Variants in LHFPL3 observed in about 807,000 individuals in gnomAD.
LHFPL3 encodes the protein LHFPL tetraspan subfamily member 3 protein.
In LHFPL3, 5 loss-of-function variants were observed where a neutral mutation model predicts 19.3. The ratio of observed to expected loss-of-function variants is 0.26; its 90% CI spans 0.14 to 0.54. The LOEUF (loss-of-function observed/expected upper bound fraction) is 0.54. Ranked by LOEUF, LHFPL3 falls within the 20% of genes least tolerant of loss-of-function variation. The pLI is 0.94. For missense variants in LHFPL3, 249 were observed against 307.4 expected, an observed-to-expected ratio of 0.81 and a Z score of 1.42; for synonymous variants, 133 against 126.2, an observed-to-expected ratio of 1.05 and a Z score of -0.36.
At chr7:104,728,260 C>T (rs926770731) in intron 1 of LHFPL3, among the ~76,000 whole-genome samples, 4 of 152,126 alleles carry the variant, frequency 2.6e-5, no homozygotes, top group Admixed American at 2.6e-4. Context: ...GGTGCCCATT[C>T]CTGTGTTGTT....
chr7:104,675,961 G>A (rs868114388), intron 1 of LHFPL3, among the ~76,000 whole-genome samples: 1 of 152,206 alleles, frequency 6.6e-6, no homozygotes, highest in Non-Finnish European at 1.5e-5. Context: ...CCTCAGCATA[G>A]GGATGTTTTT....
intron 2 of LHFPL3, among the ~76,000 whole-genome samples, chr7:104,862,604 TG>T: frequency 7.1e-6 from 1 of 141,568 alleles, no homozygotes; most frequent in East Asian, 2.1e-4. Flanking sequence ...AGGGTAGATC[TG>T]GGCCAACCTG....
intron 2 of LHFPL3, among the ~76,000 whole-genome samples, chr7:104,887,426 G>T (rs1454653268): frequency 6.6e-6 from 1 of 152,208 alleles, no homozygotes; most frequent in Non-Finnish European, 1.5e-5. Context: ...GTCATTACTT[G>T]GGTAACTGGA....
chr7:104,552,341 T>C (rs190162763), intron 1 of LHFPL3, among the ~76,000 whole-genome samples: 1 of 152,312 alleles, frequency 6.6e-6, no homozygotes, highest in Non-Finnish European at 1.5e-5. Flanking sequence ...GTAGCCTTTC[T>C]AATAAGGGAG....
intron 1 of LHFPL3, among the ~76,000 whole-genome samples, chr7:104,437,462 C>A (rs1792133776): frequency 6.6e-6 from 1 of 152,130 alleles, no homozygotes; most frequent in Admixed American, 6.5e-5. Flanking sequence ...TGACACTAAG[C>A]AGAGTTAGCC....
At chr7:104,805,287 G>A (rs1398000166) in intron 2 of LHFPL3, among the ~76,000 whole-genome samples, 1 of 152,168 alleles carries the variant, frequency 6.6e-6, no homozygotes, top group Non-Finnish European at 1.5e-5. Flanking sequence ...AACTACTTAG[G>A]GGAGTACTAG....
chr7:104,481,058 GTCA>G (rs1793126591), intron 1 of LHFPL3, among the ~76,000 whole-genome samples: 1 of 152,144 alleles, frequency 6.6e-6, no homozygotes, highest in Non-Finnish European at 1.5e-5. Context: ...GGGTGACACA[GTCA>G]TCATCTATTA....
intron 2 of LHFPL3, among the ~76,000 whole-genome samples, chr7:104,884,139 C>T (rs961971572): frequency 3.9e-5 from 6 of 152,246 alleles, no homozygotes; most frequent in Non-Finnish European, 8.8e-5. Flanking sequence ...GTGCCTGATG[C>T]GTGATAAGTG....
At chr7:104,628,909 G>C (rs1323727570) in intron 1 of LHFPL3, among the ~76,000 whole-genome samples, 1 of 152,078 alleles carries the variant, frequency 6.6e-6, no homozygotes, top group Non-Finnish European at 1.5e-5. Flanking sequence ...TATGAAACAG[G>C]CTTCTCAAAC....
intron 1 of LHFPL3, among the ~76,000 whole-genome samples, chr7:104,678,453 A>T (rs955602621): frequency 6.6e-6 from 1 of 152,098 alleles, no homozygotes; most frequent in Non-Finnish European, 1.5e-5. Flanking sequence ...GAGGGAAAAA[A>T]TCCTCCTCTT....
chr7:104,454,289 C>T (rs1442798350), intron 1 of LHFPL3, among the ~76,000 whole-genome samples: 1 of 152,146 alleles, frequency 6.6e-6, no homozygotes, highest in East Asian at 1.9e-4. Flanking sequence ...ATTAGTCAGA[C>T]CATAGGTAGA....
At chr7:104,558,506 G>A (rs1163491623) in intron 1 of LHFPL3, among the ~76,000 whole-genome samples, 15 of 152,134 alleles carry the variant, frequency 9.9e-5, no homozygotes, top group South Asian at 4.2e-4. Context: ...CATGTCATTC[G>A]CCCACTTTTT....
intron 1 of LHFPL3, among the ~76,000 whole-genome samples, chr7:104,390,993 G>A (rs1029368404): frequency 5.9e-5 from 9 of 152,098 alleles, no homozygotes; most frequent in Admixed American, 6.6e-5. Flanking sequence ...TTTTGAAAAG[G>A]ATCTGTTCAT....
At chr7:104,659,425 G>T (rs1293762473) in intron 1 of LHFPL3, among the ~76,000 whole-genome samples, 1 of 152,200 alleles carries the variant, frequency 6.6e-6, no homozygotes, top group Non-Finnish European at 1.5e-5. Context: ...CGGTCATTCA[G>T]TGCTCTTTCA....
At chr7:104,794,484 G>T (rs1466751407) in intron 2 of LHFPL3, among the ~76,000 whole-genome samples, 1 of 152,178 alleles carries the variant, frequency 6.6e-6, no homozygotes, top group Admixed American at 6.5e-5. Flanking sequence ...GAATTACGGT[G>T]GCTGTCAGTG....
chr7:104,553,568 G>T (rs1210807056), intron 1 of LHFPL3, among the ~76,000 whole-genome samples: 2 of 152,080 alleles, frequency 1.3e-5, no homozygotes, highest in Non-Finnish European at 2.9e-5. Context: ...GTAAATTTAG[G>T]AATATGAATC....
chr7:104,491,350 C>A (rs1793347635), intron 1 of LHFPL3, among the ~76,000 whole-genome samples: 1 of 152,066 alleles, frequency 6.6e-6, no homozygotes, highest in Non-Finnish European at 1.5e-5. Flanking sequence ...CCCTACCCCC[C>A]AGCAGGCCCT....
intron 2 of LHFPL3, chr7:104,752,885 A>T (rs180916161): frequency 2.9e-6 from 1 of 347,432 alleles, no homozygotes. Context: ...TCCCTTCTCC[A>T]CCAGCTCACA....
chr7:104,677,483 TTC>T (rs1792613025), intron 1 of LHFPL3, among the ~76,000 whole-genome samples: 1 of 152,222 alleles, frequency 6.6e-6, no homozygotes, highest in Non-Finnish European at 1.5e-5. Context: ...ATATGTTATG[TTC>T]ATCTCTGGGT....
Sources: gnomAD v4.1 joint callset for allele counts (sites outside exome capture counted in the v4.1 genomes callset) on GRCh38, gnomAD v4.1.1 for gene constraint, MANE v1.5 for transcripts, NCBI Gene and HGNC (gene_info 2026-07-23, HGNC 2026-07-21) for gene names.